UHRF1: variants seen among roughly 807,000 people sequenced by gnomAD.
UHRF1 encodes E3 ubiquitin-protein ligase UHRF1.
Under a neutral mutation model 96.5 loss-of-function variants are expected in UHRF1, and 9 were observed. That is an observed-to-expected ratio of 0.09 (90% CI 0.06 to 0.16). UHRF1 has a LOEUF of 0.16. Ranked by LOEUF, UHRF1 falls within the 10% of genes least tolerant of loss-of-function variation. UHRF1 has a pLI of 1.00. For missense variants in UHRF1, 626 were observed against 1,131.1 expected (o/e 0.55, Z 6.40); for synonymous variants, 455 against 469.9 (o/e 0.97, Z 0.41).
At chr19:4,904,305 A>G (rs2032016736) in intron 1 of UHRF1, among the ~76,000 whole-genome samples, 1 of 151,934 alleles carries the variant, frequency 6.6e-6, no homozygotes, top group South Asian at 2.1e-4. Context: ...CAGCTTCCCG[A>G]GTAGCTGGGA....
At chr19:4,944,096 G>C in intron 7 of UHRF1, 36 bp from the exon 8 acceptor site, 3 of 1,610,892 alleles carry the variant, frequency 1.9e-6, no homozygotes, top group Non-Finnish European at 2.5e-6. Context: ...ACATCTGCCA[G>C]GCTAGGCGTG....
At chr19:4,925,952 C>CA (rs1348512490) in intron 2 of UHRF1, among the ~76,000 whole-genome samples, 1 of 151,880 alleles carries the variant, frequency 6.6e-6, no homozygotes, top group Non-Finnish European at 1.5e-5. Flanking sequence ...GGCTGGAGTG[C>CA]AGTGGTGCAA....
At chr19:4,914,579 T>A (rs1236586010) in intron 2 of UHRF1, among the ~76,000 whole-genome samples, 1 of 151,618 alleles carries the variant, frequency 6.6e-6, no homozygotes, top group Non-Finnish European at 1.5e-5. Flanking sequence ...CGCAGGGAGC[T>A]GATCGAGGGC....
intron 5 of UHRF1, among the ~76,000 whole-genome samples, chr19:4,936,609 A>C (rs2033223138): frequency 6.6e-6 from 1 of 152,094 alleles, no homozygotes; most frequent in Admixed American, 6.6e-5. Flanking sequence ...ATTCATTTTC[A>C]TTAAATTTTA....
chr19:4,944,564 C>A, intron 9 of UHRF1, 114 bp downstream of exon 9: 1 of 1,163,904 alleles, frequency 8.6e-7, no homozygotes, highest in Non-Finnish European at 1.3e-6. Context: ...AGTGGTGCCT[C>A]GGCTAGCCGA....
At chr19:4,921,130 A>G (rs1042318692) in intron 2 of UHRF1, among the ~76,000 whole-genome samples, 5 of 134,316 alleles carry the variant, frequency 3.7e-5, no homozygotes, top group Non-Finnish European at 8.4e-5. Flanking sequence ...CTCAAAAAAG[A>G]AAAAAAAAGA....
intron 6 of UHRF1, 38 bp from the exon 7 acceptor site, chr19:4,941,707 G>A: frequency 8.3e-6 from 13 of 1,557,254 alleles, no homozygotes; most frequent in Admixed American, 1.9e-5. Flanking sequence ...TGGCTTGGCC[G>A]GGCCCCGCCG....
At chr19:4,916,355 A>T (rs1193057805) in intron 2 of UHRF1, among the ~76,000 whole-genome samples, 3 of 151,992 alleles carry the variant, frequency 2.0e-5, no homozygotes, top group Admixed American at 6.6e-5. Context: ...TCAGAGCACA[A>T]GAAGACAAGC....
At chr19:4,929,563 T>G (rs1464993312) in intron 3 of UHRF1, 87 bp downstream of exon 3, 1 of 1,519,084 alleles carries the variant, frequency 6.6e-7, no homozygotes, top group Non-Finnish European at 8.9e-7. Context: ...CAGGAGGGGC[T>G]TCCCACGCGC....
At chr19:4,922,817 C>T (rs1007488138) in intron 2 of UHRF1, among the ~76,000 whole-genome samples, 2 of 152,216 alleles carry the variant, frequency 1.3e-5, no homozygotes, top group Admixed American at 6.5e-5. Flanking sequence ...CTTCCCGCCC[C>T]ATTTGCCCCT....
At chr19:4,912,902 G>GGCAT (rs2032339550) in intron 2 of UHRF1, among the ~76,000 whole-genome samples, 1 of 152,038 alleles carries the variant, frequency 6.6e-6, no homozygotes, top group African/African-American at 2.4e-5. Flanking sequence ...TAGGACTATA[G>GGCAT]GCATGCACCA....
At chr19:4,935,917 C>G (rs2033202294) in intron 5 of UHRF1, among the ~76,000 whole-genome samples, 2 of 152,208 alleles carry the variant, frequency 1.3e-5, no homozygotes, top group African/African-American at 4.8e-5. Context: ...CCTGCCCAGC[C>G]AGCACCCACG....
At chr19:4,940,193 G>A (rs972510479) in intron 5 of UHRF1, among the ~76,000 whole-genome samples, 2 of 151,868 alleles carry the variant, frequency 1.3e-5, no homozygotes, top group African/African-American at 2.4e-5. Context: ...CCTCTCAAAC[G>A]TGCTTATTAG....
chr19:4,930,130 A>G lies in UHRF1; in HGVS notation c.409-586A>G, dbSNP rs181610806. 4.6e-5 allele frequency among the ~76,000 whole-genome samples: 7 copies of G among 152,152 alleles called. No homozygotes were observed. The highest frequency in any genetic ancestry group is 8.8e-5 in the Non-Finnish European group (6 of 68,004). On this transcript the variant is annotated intron_variant, in intron 3 of 16. Coordinates refer to ENST00000650932, the MANE Select transcript of UHRF1 (RefSeq NM_001048201.3). The surrounding 1 kb of genome is among the most constrained non-coding windows in gnomAD (Gnocchi z 4.4). Reference sequence around the variant, plus strand: ...GCTGGGATTACAGGCATGTGCCACCACACCTGGCTAATTTTTGTATTTTTT... The same window carrying G: ...GCTGGGATTACAGGCATGTGCCACCGCACCTGGCTAATTTTTGTATTTTTT...
At chr19:4,934,981 T>C (rs1045475366) in intron 5 of UHRF1, among the ~76,000 whole-genome samples, 22 of 51,118 alleles carry the variant, frequency 4.3e-4, no homozygotes, top group East Asian at 4.0e-3. Flanking sequence ...GGTGACTAAC[T>C]TTTTTTTTTT....
At chr19:4,911,668 T>G (rs2032283102) in intron 2 of UHRF1, among the ~76,000 whole-genome samples, 2 of 152,148 alleles carry the variant, frequency 1.3e-5, no homozygotes, top group Admixed American at 1.3e-4. Context: ...CCTCGTTGCA[T>G]TTAAAATGTC....
chr19:4,906,895 GCTCAAGCCGT>G (rs1426608486), upstream of UHRF1, among the ~76,000 whole-genome samples: 1 of 152,258 alleles, frequency 6.6e-6, no homozygotes, highest in African/African-American at 2.4e-5. Flanking sequence ...TTTTGGAAGA[GCTCAAGCCGT>G]CTCACACCCT....
At chr19:4,959,821 C>T (rs1157276328) in intron 16 of UHRF1, among the ~76,000 whole-genome samples, 2 of 151,950 alleles carry the variant, frequency 1.3e-5, no homozygotes, top group African/African-American at 4.8e-5. Context: ...GATCCTCCCA[C>T]TTCAGCCTCC....
Position 4,944,339 on chromosome 19 carries a change from A to T in UHRF1, c.1198-4A>T. ...GTTGTTCTTTGTGTCTGTGCCTGGGACAGGGCATGGCCTGTGTGGGCCGCA... is the reference window on the plus strand; with the variant it reads ...GTTGTTCTTTGTGTCTGTGCCTGGGTCAGGGCATGGCCTGTGTGGGCCGCA... On this transcript the variant is annotated splice_region_variant and splice_polypyrimidine_tract_variant and intron_variant, in intron 8 of 16. Coordinates refer to ENST00000650932, the MANE Select transcript of UHRF1 (RefSeq NM_001048201.3). The T allele has an allele frequency of 6.2e-7, 1 of 1,613,928 alleles. No individual in the cohort carries two copies. The highest frequency in any genetic ancestry group is 8.5e-7 in the Non-Finnish European group (1 of 1,179,860).
Sources: allele counts gnomAD v4.1 joint callset (sites outside exome capture counted in the v4.1 genomes callset), GRCh38; gene constraint gnomAD v4.1.1; non-coding constraint Gnocchi (gnomAD v3.1); transcripts MANE v1.5; gene names NCBI Gene and HGNC (gene_info 2026-07-23, HGNC 2026-07-21).